SLC7A5: variants seen among roughly 807,000 people sequenced by gnomAD.
SLC7A5 encodes the protein solute carrier family 7 member 5.
SLC7A5 carries 23 observed loss-of-function variants against 50.2 expected under a neutral mutation model. The observed-to-expected ratio is 0.46, with a 90% CI of 0.33 to 0.65. SLC7A5 has a LOEUF of 0.65. Ranked by LOEUF, SLC7A5 falls within the 30% of genes least tolerant of loss-of-function variation. The probability of loss-of-function intolerance (pLI) is 0.02; values close to 1 mark genes in which losing one functional copy is unlikely to be tolerated. For synonymous variants in SLC7A5, 393 were observed against 330.6 expected (o/e 1.19, Z -2.05); for missense variants, 578 against 684.4 (o/e 0.84, Z 1.73).
intron 2 of SLC7A5, among the ~76,000 whole-genome samples, chr16:87,851,486 G>A (rs1359947902): frequency 3.3e-5 from 5 of 152,216 alleles, no homozygotes; most frequent in Non-Finnish European, 7.3e-5. Flanking sequence ...TAAAAAACAA[G>A]AAAAACTGCC....
rs191883294 is a variant in SLC7A5 at position 87,867,886 on chromosome 16, C to T, written c.538+999G>A. On this transcript the variant is annotated intron_variant, in intron 1 of 9. Coordinates refer to ENST00000261622, the MANE Select transcript of SLC7A5 (RefSeq NM_003486.7). ...ATCCCAGCACTTTGGGAGGCCGAGG[C>T]GGGCGGATCACAAGGTCAGGAGATC... 2.2e-3 allele frequency among the ~76,000 whole-genome samples: 330 copies of T among 152,204 alleles called. 1 individual carries two copies. The highest frequency in any genetic ancestry group is 6.8e-3 in the Middle Eastern group (2 of 294).
intron 6 of SLC7A5, among the ~76,000 whole-genome samples, chr16:87,838,441 G>C (rs1169924337): frequency 6.6e-6 from 1 of 152,098 alleles, no homozygotes; most frequent in East Asian, 1.9e-4. Flanking sequence ...ACGGGCACGT[G>C]CCACCACGCC....
intron 1 of SLC7A5, among the ~76,000 whole-genome samples, chr16:87,867,477 G>A (rs1233872900): frequency 3.3e-5 from 5 of 152,170 alleles, no homozygotes; most frequent in Non-Finnish European, 7.3e-5. Flanking sequence ...GCTCGACTCA[G>A]AGCCTCAGAG....
intron 5 of SLC7A5, among the ~76,000 whole-genome samples, chr16:87,839,304 C>T (rs1004492143): frequency 1.3e-5 from 2 of 152,202 alleles, no homozygotes; most frequent in African/African-American, 2.4e-5. Context: ...CCTGGCCTCC[C>T]GCCTGCCAAG....
chr16:87,854,448 G>A (rs576197772), intron 1 of SLC7A5, among the ~76,000 whole-genome samples: 18 of 152,240 alleles, frequency 1.2e-4, no homozygotes, highest in Middle Eastern at 3.4e-3. Flanking sequence ...AGTACCTTTC[G>A]ACCTTAAGGA....
At chr16:87,868,284 T>G (rs2143844092) in intron 1 of SLC7A5, among the ~76,000 whole-genome samples, 1 of 152,276 alleles carries the variant, frequency 6.6e-6, no homozygotes, top group East Asian at 1.9e-4. Context: ...CAACACAGAC[T>G]GAATCTGCAG....
intron 1 of SLC7A5, among the ~76,000 whole-genome samples, chr16:87,868,385 C>G (rs1231250055): frequency 3.3e-5 from 5 of 152,194 alleles, no homozygotes; most frequent in African/African-American, 1.2e-4. Context: ...GATGTTATTA[C>G]TACTGTTTTC....
At chr16:87,840,166 A>G (rs1396237050) in intron 4 of SLC7A5, among the ~76,000 whole-genome samples, 2 of 152,222 alleles carry the variant, frequency 1.3e-5, no homozygotes, top group African/African-American at 4.8e-5. Context: ...GCCGGGGACC[A>G]GAGCCGAGAG....
chr16:87,847,240 T>G (rs1361167768), intron 2 of SLC7A5, among the ~76,000 whole-genome samples: 1 of 152,178 alleles, frequency 6.6e-6, no homozygotes, highest in Non-Finnish European at 1.5e-5. Context: ...ACAGCCAAGG[T>G]GTGGGTGAAA....
At chr16:87,855,547 G>A (rs2055305831) in intron 1 of SLC7A5, among the ~76,000 whole-genome samples, 1 of 152,014 alleles carries the variant, frequency 6.6e-6, no homozygotes, top group African/African-American at 2.4e-5. Flanking sequence ...TCGGGGGGAT[G>A]ACTCTCTGAG....
intron 2 of SLC7A5, among the ~76,000 whole-genome samples, chr16:87,848,287 G>A (rs534560564): frequency 3.3e-5 from 5 of 152,358 alleles, no homozygotes; most frequent in African/African-American, 9.6e-5. Context: ...GCTGACGGCT[G>A]CAGCCCAAGC....
At position 87,869,416 on chromosome 16, in the gene SLC7A5, C is replaced by G; in HGVS notation, c.7G>C (p.Gly3Arg). ...AGCGCGCGCCGCTTCGGGCCCGCAC[C>G]CGCCATGCTCTGCGCACCGGCCGGG... Reference protein sequence around the residue: MAGAGPKRRALAA... With the variant: MARAGPKRRALAA... Residue 3 changes from glycine to arginine, a missense_variant, in exon 1 of 10, where the codon GGT becomes CGT. Transcript: ENST00000261622. The G allele has an allele frequency of 6.7e-7, 1 of 1,494,018 alleles. No homozygotes were observed. Among genetic ancestry groups the G allele is most frequent in the Non-Finnish European group, 8.8e-7 (1 of 1,131,342 alleles). The allele number at this position is 1,494,018 out of a possible 1,614,324, so 92.5% of individuals were successfully genotyped here.
Position 87,852,278 on chromosome 16 carries a change from C to T in SLC7A5, c.539-429G>A, listed in dbSNP as rs530473293. On this transcript the variant is annotated intron_variant, in intron 1 of 9. Coordinates refer to ENST00000261622, the MANE Select transcript of SLC7A5 (RefSeq NM_003486.7). This position sits in a 1 kb window ranked among gnomAD's most constrained non-coding sequence, Gnocchi z 4.5. The stretch of plus-strand genomic sequence containing the variant: ...CCTGACTGTGAGACCCACGCACAGC[C>T]CGACTGCCGGACTCCATGAGGGCGG... 6.6e-6 allele frequency among the ~76,000 whole-genome samples: 1 copy of T among 152,260 alleles called. No homozygotes were observed. Among genetic ancestry groups the T allele is most frequent in the Non-Finnish European group, 1.5e-5 (1 of 68,012 alleles).
In SLC7A5 at chr16:87,853,286, G is replaced by C. The variant is rs531565049; in HGVS notation, c.539-1437C>G. On this transcript the variant is annotated intron_variant, in intron 1 of 9. Coordinates refer to ENST00000261622, the MANE Select transcript of SLC7A5 (RefSeq NM_003486.7). The surrounding 1 kb of genome is among the most constrained non-coding windows in gnomAD (Gnocchi z 4.4). ...ACACCGGAAACGTCCTGAGGTGCGGGACGGGCTGCCGCCTGCCTATCTCTC... is the reference window on the plus strand; with the variant it reads ...ACACCGGAAACGTCCTGAGGTGCGGCACGGGCTGCCGCCTGCCTATCTCTC... Among the ~76,000 whole-genome samples the C allele has an allele frequency of 6.6e-6, 1 of 152,348 alleles. No individual in the cohort carries two copies. The highest frequency in any genetic ancestry group is 2.4e-5 in the African/African-American group (1 of 41,578).
At chr16:87,856,189 C>T (rs1010317961) in intron 1 of SLC7A5, among the ~76,000 whole-genome samples, 1 of 152,230 alleles carries the variant, frequency 6.6e-6, no homozygotes, top group Non-Finnish European at 1.5e-5. Context: ...GCCAGGCCCC[C>T]GAGGACTGCC....
intron 1 of SLC7A5, among the ~76,000 whole-genome samples, chr16:87,857,680 C>A (rs1474626737): frequency 6.6e-6 from 1 of 152,238 alleles, no homozygotes; most frequent in Non-Finnish European, 1.5e-5. Context: ...CCTGGGCAAA[C>A]AGAGAGATGA....
intron 2 of SLC7A5, among the ~76,000 whole-genome samples, chr16:87,849,330 A>C (rs2055191034): frequency 6.6e-6 from 1 of 152,224 alleles, no homozygotes; most frequent in Non-Finnish European, 1.5e-5. Context: ...AAATCTGTTG[A>C]AGCCAAACAG....
intron 2 of SLC7A5, among the ~76,000 whole-genome samples, chr16:87,846,938 G>A (rs564444467): frequency 2.6e-5 from 4 of 152,322 alleles, no homozygotes; most frequent in African/African-American, 4.8e-5. Flanking sequence ...GGAAGACACC[G>A]AGGCTCAGAC....
intron 7 of SLC7A5, 52 bp downstream of exon 7, chr16:87,837,793 C>A (rs2055026987): frequency 1.7e-5 from 24 of 1,444,770 alleles, no homozygotes; most frequent in Non-Finnish European, 2.2e-5. Flanking sequence ...CCTCTGGGAG[C>A]CCCCGGACAA....
Sources: gnomAD v4.1 joint callset for allele counts (sites outside exome capture counted in the v4.1 genomes callset) on GRCh38, gnomAD v4.1.1 for gene constraint, Gnocchi (gnomAD v3.1) non-coding constraint, MANE v1.5 for transcripts, NCBI Gene and HGNC (gene_info 2026-07-23, HGNC 2026-07-21) for gene names.